Variants in ECM2 observed in about 807,000 individuals in gnomAD.
ECM2 encodes extracellular matrix protein 2, female organ and adipocyte specific.
Under a neutral mutation model 67.5 loss-of-function variants are expected in ECM2, and 57 were observed. That is an observed-to-expected ratio of 0.84 (90% CI 0.68 to 1.05). The LOEUF is 1.05. Among genes scored for constraint, ECM2 ranks in the 50% least tolerant of loss-of-function variants. The probability of loss-of-function intolerance (pLI) is 0.00; values close to 1 mark genes in which losing one functional copy is unlikely to be tolerated. For synonymous variants in ECM2, 258 were observed against 294.5 expected (o/e 0.88, Z 1.27); for missense variants, 741 against 822.8 (o/e 0.90, Z 1.22).
rs41278705 is a variant in ECM2, at chr9:92,495,715, T to C, written c.*600A>G. ...GTTAACAATGTACATAACCATAATA[T>C]GATTTTCAAAACCAGGAAATTAACA... On this transcript the variant is annotated 3_prime_UTR_variant, in exon 10 of 10. Transcript: ENST00000344604. The C allele has an allele frequency of 5.0e-3, 4,589 of 912,898 alleles. 13 individuals carry two copies. Among genetic ancestry groups the C allele is most frequent in the Middle Eastern group, 0.014 (25 of 1,764 alleles). 56.5% of individuals were successfully genotyped at this position (912,898 alleles called of 1,614,324 possible). A position where few individuals can be genotyped will look rare whatever the true frequency, so the allele number is the denominator to read the frequency against.
rs757687848 is a variant in ECM2, at chr9:92,517,710, C to T, written c.458G>A (p.Cys153Tyr). The T allele has an allele frequency of 6.2e-7, 1 of 1,614,046 alleles. No homozygotes were observed. The highest frequency in any genetic ancestry group is 8.5e-7 in the Non-Finnish European group (1 of 1,180,024). ...ACCAGTAGCGGAGCAGACCGGGCAG[C>T]ATTCCCCTTCAGGTATAACTGTTTG... ...CPQTVIPEGE[C>Y]CPVCSATVSY... The change falls in exon 3 of 10, where the codon TGC (cysteine) becomes TAC (tyrosine). Residue 153 changes from cysteine (C) to tyrosine (Y), a missense_variant. By Grantham distance (194) the Cys-to-Tyr change is radical. Transcript: ENST00000344604.
the ECM2 span, among the ~76,000 whole-genome samples, chr9:92,555,200 A>C: frequency 1.7e-5 from 2 of 117,110 alleles, no homozygotes; most frequent in African/African-American, 3.1e-5. Context: ...CTGGTCTTGG[A>C]CTTTTTTTTG....
In ECM2 at chr9:92,495,344, T is replaced by C; in HGVS notation, c.*971A>G. 3.2e-6 allele frequency: 3 copies of C among 941,010 alleles called. No homozygotes were observed. Among genetic ancestry groups the C allele is most frequent in the Non-Finnish European group, 3.8e-6 (3 of 789,458 alleles). The allele number at this position is 941,010 out of a possible 1,614,324, so 58.3% of individuals were successfully genotyped here. On this transcript the variant is annotated 3_prime_UTR_variant, in exon 10 of 10. Transcript: ENST00000344604. ...GTTAGAAAATTTTAATATATGATTT[T>C]GGTAGGGCCAATACATAGTAAAGAC...
At chr9:92,549,791 G>GGCAGTGGA in the ECM2 span, among the ~76,000 whole-genome samples, 35 of 152,290 alleles carry the variant, frequency 2.3e-4, 1 homozygote, top group African/African-American at 8.4e-4. Flanking sequence ...AGTGCTGTTA[G>GGCAGTGGA]GCAGTGGAGA....
chr9:92,551,356 G>T, the ECM2 span, among the ~76,000 whole-genome samples: 1 of 151,736 alleles, frequency 6.6e-6, no homozygotes, highest in African/African-American at 2.4e-5. Context: ...TTTGTTTTTT[G>T]AGATAGGGTC....
chr9:92,533,676 A>T (rs992049633), intron 1 of ECM2, among the ~76,000 whole-genome samples: 2 of 152,152 alleles, frequency 1.3e-5, no homozygotes, highest in East Asian at 3.9e-4. Context: ...TTTCTTGCAG[A>T]AATATATCCT....
intron 1 of ECM2, among the ~76,000 whole-genome samples, chr9:92,531,264 T>C (rs989590569): frequency 1.3e-5 from 2 of 152,150 alleles, no homozygotes; most frequent in Non-Finnish European, 2.9e-5. Flanking sequence ...TTATACACTT[T>C]TTACCATTCT....
the ECM2 span, among the ~76,000 whole-genome samples, chr9:92,549,156 C>T: frequency 6.6e-6 from 1 of 152,190 alleles, no homozygotes; most frequent in Non-Finnish European, 1.5e-5. Flanking sequence ...AGAGACCAAA[C>T]AGACCCACTC....
At chr9:92,558,171 A>G in the ECM2 span, among the ~76,000 whole-genome samples, 1 of 152,000 alleles carries the variant, frequency 6.6e-6, no homozygotes, top group East Asian at 1.9e-4. Flanking sequence ...GTTTGGATCC[A>G]TTGCTGGTGA....
intron 9 of ECM2, among the ~76,000 whole-genome samples, chr9:92,497,653 G>GA (rs1846427139): frequency 6.6e-6 from 1 of 150,482 alleles, no homozygotes; most frequent in South Asian, 2.1e-4. Flanking sequence ...AAAGAAAAAA[G>GA]AAAAAAAGGG....
chr9:92,546,601 A>C, the ECM2 span, among the ~76,000 whole-genome samples: 1 of 151,418 alleles, frequency 6.6e-6, no homozygotes, highest in East Asian at 1.9e-4. Context: ...GAAGGAAAAA[A>C]CTCCGAACAC....
chr9:92,504,427 T>C (rs1588193716), intron 7 of ECM2, among the ~76,000 whole-genome samples: 2 of 152,336 alleles, frequency 1.3e-5, no homozygotes, highest in East Asian at 3.9e-4. Flanking sequence ...TCTGGCTGGA[T>C]GATCATGTGG....
At chr9:92,548,686 G>C in the ECM2 span, among the ~76,000 whole-genome samples, 3 of 152,144 alleles carry the variant, frequency 2.0e-5, no homozygotes, top group Non-Finnish European at 4.4e-5. Flanking sequence ...ACAAAAAATA[G>C]GCAAGATATC....
At chr9:92,533,264 C>G (rs1165265553) in intron 1 of ECM2, among the ~76,000 whole-genome samples, 3 of 137,502 alleles carry the variant, frequency 2.2e-5, no homozygotes, top group African/African-American at 8.3e-5. Flanking sequence ...CACACCACTG[C>G]ACCCCAGCCT....
chr9:92,494,237 C>T (rs331380), downstream of ECM2: 670,963 of 1,354,886 alleles, frequency 0.5, 174,325 homozygotes, highest in East Asian at 0.76. Flanking sequence ...TGCTGACTCA[C>T]CTTATTCAGT....
At chr9:92,520,776 C>G (rs1325831409) in intron 2 of ECM2, among the ~76,000 whole-genome samples, 1 of 151,956 alleles carries the variant, frequency 6.6e-6, no homozygotes, top group African/African-American at 2.4e-5. Flanking sequence ...TATTATTCAG[C>G]CATAAAAAGG....
intron 2 of ECM2, 100 bp from the exon 3 acceptor site, chr9:92,517,975 C>T: frequency 7.4e-7 from 1 of 1,356,834 alleles, no homozygotes; most frequent in Non-Finnish European, 1.0e-6. Flanking sequence ...TCTAACCACA[C>T]AAGAATAGAA....
At chr9:92,542,001 C>T in the ECM2 span, among the ~76,000 whole-genome samples, 1 of 152,162 alleles carries the variant, frequency 6.6e-6, no homozygotes, top group Non-Finnish European at 1.5e-5. Flanking sequence ...ATTATCTTGG[C>T]CAGGCTGGTC....
upstream of ECM2, chr9:92,536,032 G>A (rs1461158373): frequency 3.9e-6 from 2 of 507,156 alleles, no homozygotes; most frequent in Non-Finnish European, 7.8e-6. Context: ...AGAAAGGACA[G>A]AAGGGAATGT....
Sources: gnomAD v4.1 joint callset for allele counts (sites outside exome capture counted in the v4.1 genomes callset) on GRCh38, gnomAD v4.1.1 for gene constraint, MANE v1.5 for transcripts, NCBI Gene and HGNC (gene_info 2026-07-23, HGNC 2026-07-21) for gene names.